The following DNAH12 variants were observed in gnomAD, a reference collection of about 807,000 sequenced individuals.
DNAH12 encodes the protein dynein axonemal heavy chain 12, also known as axonemal beta dynein heavy chain 12.
DNAH12 carries 285 observed loss-of-function variants against 371.5 expected under a neutral mutation model. That is an observed-to-expected ratio of 0.77 (90% CI 0.70 to 0.85). The LOEUF (loss-of-function observed/expected upper bound fraction) is 0.85, where lower values mean the gene tolerates loss of function less well. Among genes scored for constraint, DNAH12 ranks in the 40% least tolerant of loss-of-function variants. The pLI is 0.00. For synonymous variants in DNAH12, 1,200 were observed against 1,213.0 expected (o/e 0.99, Z 0.22); for missense variants, 3,611 against 3,689.4 (o/e 0.98, Z 0.55).
At chr3:57,500,787 C>T (rs566595456) in intron 11 of DNAH12, among the ~76,000 whole-genome samples, 26 of 152,020 alleles carry the variant, frequency 1.7e-4, no homozygotes, top group Non-Finnish European at 3.4e-4. Flanking sequence ...GACAGTGTCT[C>T]GCCCTGTTGC....
At chr3:57,411,778 G>A (rs1179652761) in intron 39 of DNAH12, among the ~76,000 whole-genome samples, 7 of 152,058 alleles carry the variant, frequency 4.6e-5, no homozygotes, top group African/African-American at 1.2e-4. Context: ...TAGATTCAAC[G>A]CAATCCCAAT....
intron 30 of DNAH12, among the ~76,000 whole-genome samples, chr3:57,436,614 C>T (rs1481615367): frequency 1.3e-5 from 2 of 152,192 alleles, no homozygotes; most frequent in Non-Finnish European, 2.9e-5. Context: ...ACAAAGGCTA[C>T]CATGCATCGT....
chr3:57,312,987 C>T (rs914638707), intron 66 of DNAH12, among the ~76,000 whole-genome samples: 1 of 152,208 alleles, frequency 6.6e-6, no homozygotes, highest in Non-Finnish European at 1.5e-5. Context: ...ACCTACCTGA[C>T]TGAAATCTAA....
At chr3:57,546,388 T>G (rs1422959500), upstream of DNAH12, among the ~76,000 whole-genome samples, 1 of 152,188 alleles carries the variant, frequency 6.6e-6, no homozygotes, top group Non-Finnish European at 1.5e-5. Context: ...TACATCTTGG[T>G]GCATTGCTGA....
chr3:57,524,012 G>C, intron 2 of DNAH12, 128 bp from the exon 3 acceptor site: 1 of 548,518 alleles, frequency 1.8e-6, no homozygotes, highest in Non-Finnish European at 2.9e-6. Context: ...AATTTTTTAT[G>C]AGAAACAAAT....
chr3:57,425,493 T>G (rs1268302681), intron 34 of DNAH12, among the ~76,000 whole-genome samples: 1 of 152,108 alleles, frequency 6.6e-6, no homozygotes, highest in Non-Finnish European at 1.5e-5. Context: ...AGCCTCAACC[T>G]TCTGGACTCA....
chr3:57,542,605 G>T, intron 2 of DNAH12, 96 bp downstream of exon 2: 2 of 1,363,106 alleles, frequency 1.5e-6, no homozygotes, highest in South Asian at 1.6e-5. Context: ...TTTTACCCAT[G>T]AACAACCTCC....
chr3:57,421,301 G>A (rs984371479), intron 36 of DNAH12, among the ~76,000 whole-genome samples: 2 of 151,934 alleles, frequency 1.3e-5, no homozygotes, highest in African/African-American at 4.8e-5. Flanking sequence ...TAATAAAATG[G>A]AAAAATAAAT....
At position 57,296,376 on chromosome 3, in the gene DNAH12, C is replaced by T. The variant is rs560975433; in HGVS notation, c.11592G>A (p.Leu3864=). 6.4e-7 allele frequency: 1 copy of T among 1,550,646 alleles called. No homozygotes were observed. The highest frequency in any genetic ancestry group is 2.4e-5 in the East Asian group (1 of 40,894). Residue 3864 remains leucine (L), a synonymous_variant, in exon 72 of 74, where the codon CTG becomes CTA. Transcript: ENST00000495027. The part of the protein sequence containing the change: ...SPEDGVYIHG[L]YLDGARWDRE... Reference sequence around the variant, plus strand: ...GGTCCCAGCGTGCGCCATCGAGATACAGTCCGTGGATATAAACACCATCTT... The same window carrying T: ...GGTCCCAGCGTGCGCCATCGAGATATAGTCCGTGGATATAAACACCATCTT...
chr3:57,513,392 C>A lies in DNAH12; in HGVS notation c.280-2413G>T, dbSNP rs573123337. Among the ~76,000 whole-genome samples the A allele has an allele frequency of 2.0e-5, 3 of 152,120 alleles. No homozygotes were observed. The East Asian group carries it at 5.8e-4, about 29-fold the overall frequency. On this transcript the variant is annotated intron_variant, in intron 4 of 73. Coordinates refer to ENST00000495027, the MANE Select transcript of DNAH12 (RefSeq NM_001366028.2). ...GGGGATGGAGGGCAAGGAGAGGGAT[C>A]CTAGAGAGTGGGTCAATAGGTGCAG...
intron 12 of DNAH12, among the ~76,000 whole-genome samples, chr3:57,487,365 GAA>G (rs2066962922): frequency 2.3e-5 from 1 of 44,292 alleles, no homozygotes; most frequent in African/African-American, 8.7e-5. Flanking sequence ...GAAAGAAAGA[GAA>G]AGAAAGAAAA....
At chr3:57,540,318 T>C (rs1175119963) in intron 2 of DNAH12, among the ~76,000 whole-genome samples, 7 of 152,226 alleles carry the variant, frequency 4.6e-5, no homozygotes, top group Non-Finnish European at 4.4e-5. Context: ...CCCAAAGTGC[T>C]GGGATTACAG....
intron 13 of DNAH12, among the ~76,000 whole-genome samples, chr3:57,477,454 AG>A (rs2066574908): frequency 1.3e-5 from 2 of 152,186 alleles, no homozygotes; most frequent in Non-Finnish European, 2.9e-5. Flanking sequence ...AGTGCACGGC[AG>A]CTCAAGGAGG....
At chr3:57,419,217 G>T in intron 37 of DNAH12, 150 bp downstream of exon 37, 1 of 730,970 alleles carries the variant, frequency 1.4e-6, no homozygotes, top group Non-Finnish European at 2.0e-6. Flanking sequence ...TTTGCCAATA[G>T]CAACAGATGT....
At position 57,428,632 on chromosome 3, in the gene DNAH12, C is replaced by G; in HGVS notation, c.5253+1G>C. The G allele has an allele frequency of 6.5e-7, 1 of 1,529,164 alleles. No homozygotes were observed. Among genetic ancestry groups the G allele is most frequent in the South Asian group, 1.3e-5 (1 of 79,432 alleles). The allele number at this position is 1,529,164 out of a possible 1,614,324, so 94.7% of individuals were successfully genotyped here. A position where few individuals can be genotyped will look rare whatever the true frequency, so the allele number is the denominator to read the frequency against. On this transcript the variant is annotated splice_donor_variant, in intron 34 of 73. Transcript: ENST00000495027. LOFTEE classifies it high-confidence loss of function. ...AATAGGTCAGAGAATTATAGGATTA[C>G]CTTGCATTTTTTCTTACGCTGGTTT...
intron 2 of DNAH12, among the ~76,000 whole-genome samples, chr3:57,538,577 T>C (rs2153402451): frequency 6.6e-6 from 1 of 152,370 alleles, no homozygotes; most frequent in Non-Finnish European, 1.5e-5. Flanking sequence ...TAACATACTC[T>C]GTGCTTATGA....
At chr3:57,455,347 TGAG>T (rs922617561) in intron 22 of DNAH12, among the ~76,000 whole-genome samples, 2 of 151,822 alleles carry the variant, frequency 1.3e-5, no homozygotes, top group African/African-American at 2.4e-5. Flanking sequence ...ATGGATCACC[TGAG>T]GTCAGGAGTT....
At chr3:57,448,825 T>C (rs548125597) in intron 25 of DNAH12, among the ~76,000 whole-genome samples, 32 of 149,996 alleles carry the variant, frequency 2.1e-4, no homozygotes, top group East Asian at 4.0e-4. Context: ...CCCACCAGAG[T>C]AGCTAGATAC....
intron 12 of DNAH12, among the ~76,000 whole-genome samples, chr3:57,487,228 G>A (rs1037795376): frequency 2.7e-5 from 4 of 149,306 alleles, no homozygotes; most frequent in African/African-American, 9.9e-5. Context: ...TTGAGTCCAG[G>A]AGTTTGAGAC....
Sources: allele counts gnomAD v4.1 joint callset (sites outside exome capture counted in the v4.1 genomes callset), GRCh38; gene constraint gnomAD v4.1.1; transcripts MANE v1.5; gene names NCBI Gene and HGNC (gene_info 2026-07-23, HGNC 2026-07-21).